The following SNTB1 variants were observed in gnomAD, a reference collection of about 807,000 sequenced individuals.
SNTB1 encodes syntrophin beta 1.
A neutral mutation model predicts 48.9 loss-of-function variants in SNTB1; 36 were observed. That is an observed-to-expected ratio of 0.74 (90% confidence interval 0.56 to 0.97). The LOEUF is 0.97. Ranked by LOEUF, SNTB1 falls within the 50% of genes least tolerant of loss-of-function variation. The pLI is 0.00. For missense variants in SNTB1, 786 were observed against 703.4 expected, an observed-to-expected ratio of 1.12 and a Z score of -1.33; for synonymous variants, 299 against 294.6, an observed-to-expected ratio of 1.01 and a Z score of -0.15.
chr8:120,751,805 T>A (rs1819219632), intron 1 of SNTB1, among the ~76,000 whole-genome samples: 1 of 152,124 alleles, frequency 6.6e-6, no homozygotes, highest in Non-Finnish European at 1.5e-5. Flanking sequence ...ATGCAAGGAC[T>A]GAGTACAGTG....
intron 2 of SNTB1, among the ~76,000 whole-genome samples, chr8:120,691,227 T>G (rs553870524): frequency 1.2e-4 from 19 of 152,336 alleles, no homozygotes; most frequent in African/African-American, 4.3e-4. Flanking sequence ...AAATCATCTA[T>G]TCAAATTTTC....
rs546628260 is a variant in SNTB1 at position 120,716,911 on chromosome 8, G to A, written c.572-23003C>T. 4.6e-5 allele frequency among the ~76,000 whole-genome samples: 7 copies of A among 152,178 alleles called. No homozygotes were observed. In the East Asian group the frequency reaches 1.4e-3, roughly 29 times the overall value. On this transcript the variant is annotated intron_variant, in intron 1 of 6. Transcript: ENST00000517992. ...CTCTCTGAACAGAAATTTCCTTACT[G>A]GTCTTTCAGCAGTTTTCATGGATTT...
chr8:120,811,358 G>A lies in SNTB1; in HGVS notation c.486C>T (p.Ser162=). The part of the protein sequence containing the change: ...QALYVGDAIL[S]VNGADLRDAT... ...CGTCCCGCAGGTCGGCTCCGTTCACGGACAGGATGGCGTCGCCCACGTACA... is the reference window on the plus strand; with the variant it reads ...CGTCCCGCAGGTCGGCTCCGTTCACAGACAGGATGGCGTCGCCCACGTACA... Residue 162 remains serine, a synonymous_variant, in exon 1 of 7, where the codon TCC becomes TCT. Coordinates refer to ENST00000517992, the MANE Select transcript of SNTB1 (RefSeq NM_021021.4). 1 of 1,613,578 alleles carries A rather than the reference G, an allele frequency of 6.2e-7. No individual in the cohort carries two copies. Among genetic ancestry groups the A allele is most frequent in the Non-Finnish European group, 8.5e-7 (1 of 1,179,908 alleles).
chr8:120,723,093 A>C (rs925650873), intron 1 of SNTB1, among the ~76,000 whole-genome samples: 3 of 152,160 alleles, frequency 2.0e-5, no homozygotes, highest in African/African-American at 7.2e-5. Context: ...GTTATTTCTG[A>C]GTCCTCTGTT....
intron 4 of SNTB1, 62 bp downstream of exon 4, chr8:120,575,024 T>C: frequency 4.4e-6 from 7 of 1,606,250 alleles, no homozygotes; most frequent in Non-Finnish European, 6.0e-6. Flanking sequence ...TTGAGCTAAT[T>C]GTAATTCATT....
At chr8:120,656,391 A>G (rs1817504041) in intron 2 of SNTB1, among the ~76,000 whole-genome samples, 2 of 152,258 alleles carry the variant, frequency 1.3e-5, no homozygotes, top group East Asian at 3.8e-4. Flanking sequence ...AAATATGTGG[A>G]GAATTTCAGC....
At chr8:120,644,318 C>A in intron 2 of SNTB1, among the ~76,000 whole-genome samples, 1 of 116,254 alleles carries the variant, frequency 8.6e-6, no homozygotes, top group South Asian at 3.7e-4. Context: ...CCCCCTCCCC[C>A]CACCCCACAA....
intron 1 of SNTB1, among the ~76,000 whole-genome samples, chr8:120,697,690 C>T (rs1563854565): frequency 6.6e-6 from 1 of 152,102 alleles, no homozygotes; most frequent in Non-Finnish European, 1.5e-5. Context: ...ATGTTGCATA[C>T]AAGGAAACAA....
chr8:120,659,610 G>A (rs1197701756), intron 2 of SNTB1, among the ~76,000 whole-genome samples: 1 of 152,040 alleles, frequency 6.6e-6, no homozygotes, highest in Non-Finnish European at 1.5e-5. Flanking sequence ...TATTTAGGAT[G>A]GTATATCCTT....
intron 3 of SNTB1, among the ~76,000 whole-genome samples, chr8:120,604,895 T>A (rs1816487731): frequency 6.6e-6 from 1 of 152,216 alleles, no homozygotes; most frequent in African/African-American, 2.4e-5. Context: ...TCCAGTAAGA[T>A]GTGCTGCTTC....
chr8:120,777,921 T>C (rs1157743999), intron 1 of SNTB1, among the ~76,000 whole-genome samples: 2 of 152,194 alleles, frequency 1.3e-5, no homozygotes, highest in Non-Finnish European at 2.9e-5. Flanking sequence ...CAATTAACAG[T>C]GGCATCTGCA....
At chr8:120,636,655 G>C (rs1416305369) in intron 2 of SNTB1, among the ~76,000 whole-genome samples, 1 of 150,870 alleles carries the variant, frequency 6.6e-6, no homozygotes, top group Non-Finnish European at 1.5e-5. Context: ...TTGGACATTT[G>C]GGTTGGTTCC....
chr8:120,718,276 C>T (rs929944848), intron 1 of SNTB1, among the ~76,000 whole-genome samples: 1 of 152,244 alleles, frequency 6.6e-6, no homozygotes, highest in Non-Finnish European at 1.5e-5. Flanking sequence ...CAGAAAACCT[C>T]TAGGCTCCAG....
intron 4 of SNTB1, among the ~76,000 whole-genome samples, chr8:120,564,590 C>CA (rs1368022414): frequency 9.1e-5 from 2 of 22,030 alleles, no homozygotes; most frequent in Non-Finnish European, 2.6e-4. Flanking sequence ...TTTTTTGAGA[C>CA]AGAGTTTTGC....
At chr8:120,611,889 A>G (rs929676723) in intron 3 of SNTB1, among the ~76,000 whole-genome samples, 1 of 151,214 alleles carries the variant, frequency 6.6e-6, no homozygotes, top group Non-Finnish European at 1.5e-5. Context: ...GTTTCCTGGA[A>G]GTACTCTCAG....
chr8:120,707,582 A>G (rs536716512), intron 1 of SNTB1, among the ~76,000 whole-genome samples: 2 of 152,324 alleles, frequency 1.3e-5, no homozygotes, highest in African/African-American at 2.4e-5. Context: ...TTAAAAAGGT[A>G]GGAAAGGAAT....
intron 4 of SNTB1, among the ~76,000 whole-genome samples, chr8:120,567,590 G>GT (rs1428295715): frequency 1.3e-5 from 2 of 151,694 alleles, no homozygotes; most frequent in Non-Finnish European, 2.9e-5. Flanking sequence ...ATGGCTAATT[G>GT]TTTTTTATTT....
chr8:120,654,626 G>T (rs911111670), intron 2 of SNTB1, among the ~76,000 whole-genome samples: 4 of 152,066 alleles, frequency 2.6e-5, no homozygotes, highest in African/African-American at 9.7e-5. Context: ...GAGCCGTTTC[G>T]ATCCAGCTTG....
chr8:120,581,763 A>T (rs374508020), intron 3 of SNTB1, among the ~76,000 whole-genome samples: 1 of 152,158 alleles, frequency 6.6e-6, no homozygotes, highest in Admixed American at 6.5e-5. Context: ...ATTTTTACTT[A>T]TTTATTTTTT....
Sources: allele counts gnomAD v4.1 joint callset (sites outside exome capture counted in the v4.1 genomes callset), GRCh38; gene constraint gnomAD v4.1.1; transcripts MANE v1.5; gene names NCBI Gene and HGNC (gene_info 2026-07-23, HGNC 2026-07-21).